SLC29A3: variants seen among roughly 807,000 people sequenced by gnomAD.
SLC29A3 encodes equilibrative nucleoside transporter 3.
A neutral mutation model predicts 25.4 loss-of-function variants in SLC29A3; 18 were observed. The observed-to-expected ratio is 0.71, with a 90% confidence interval of 0.49 to 1.05. SLC29A3 has a LOEUF of 1.05. SLC29A3 is among the 50% of genes least tolerant of loss of function. SLC29A3 has a pLI of 0.00. For missense variants in SLC29A3, 586 were observed against 609.0 expected (o/e 0.96, Z 0.40); for synonymous variants, 258 against 267.1 (o/e 0.97, Z 0.33).
At chr10:71,351,458 C>A in intron 3 of SLC29A3, 104 bp from the exon 4 acceptor site, 1 of 968,684 alleles carries the variant, frequency 1.0e-6, no homozygotes, top group Non-Finnish European at 1.6e-6. Context: ...AGTGAACAGT[C>A]CTAACTGCTA....
At chr10:71,330,097 C>G (rs945384531) in intron 2 of SLC29A3, among the ~76,000 whole-genome samples, 4 of 152,342 alleles carry the variant, frequency 2.6e-5, no homozygotes, top group African/African-American at 9.6e-5. Flanking sequence ...GCCCACAGTT[C>G]CACGCCAGCC....
chr10:71,331,497 T>G (rs1846116446), intron 2 of SLC29A3, among the ~76,000 whole-genome samples: 1 of 152,092 alleles, frequency 6.6e-6, no homozygotes, highest in South Asian at 2.1e-4. Context: ...AAACGCATGA[T>G]GAAGAAGAGG....
intron 3 of SLC29A3, among the ~76,000 whole-genome samples, chr10:71,374,142 T>C (rs1383184225): frequency 1.3e-5 from 2 of 152,250 alleles, no homozygotes; most frequent in Non-Finnish European, 2.9e-5. Flanking sequence ...TTTTCATTAC[T>C]AGAAGTTTGA....
chr10:71,356,359 A>G, intron 5 of SLC29A3, 116 bp downstream of exon 5: 1 of 1,318,374 alleles, frequency 7.6e-7, no homozygotes, highest in East Asian at 2.4e-5. Flanking sequence ...GGCTCAAAGC[A>G]GTTGTTCAAC....
At chr10:71,371,908 C>T (rs1219270204) in intron 3 of SLC29A3, among the ~76,000 whole-genome samples, 2 of 152,326 alleles carry the variant, frequency 1.3e-5, no homozygotes, top group East Asian at 3.9e-4. Flanking sequence ...GAAATAATAG[C>T]CCAGTTCCAG....
intron 2 of SLC29A3, among the ~76,000 whole-genome samples, chr10:71,331,233 G>A (rs1293318242): frequency 6.6e-6 from 1 of 152,204 alleles, no homozygotes; most frequent in Non-Finnish European, 1.5e-5. Context: ...GATGAGGATG[G>A]AAAGTTTGTC....
At position 71,362,101 on chromosome 10, in the gene SLC29A3, C is replaced by A; in HGVS notation, c.921C>A (p.Ser307Arg). ...PLRPILKKTA[S>R]LGFCVTYVFF... ...GCCCCATCCTGAAGAAGACGGCCAGCCTGGGCTTCTGTGTCACCTACGTCT... is the reference window on the plus strand; with the variant it reads ...GCCCCATCCTGAAGAAGACGGCCAGACTGGGCTTCTGTGTCACCTACGTCT... The change falls in exon 6 of 6, where the codon AGC becomes AGA. Residue 307 changes from serine (S) to arginine (R), a missense_variant. Coordinates refer to ENST00000373189, the MANE Select transcript of SLC29A3 (RefSeq NM_018344.6). The A allele has an allele frequency of 6.2e-7, 1 of 1,614,172 alleles. No individual in the cohort carries two copies. The highest frequency in any genetic ancestry group is 2.2e-5 in the East Asian group (1 of 44,880).
downstream of SLC29A3, chr10:71,364,749 C>T (rs915117633): frequency 2.0e-5 from 3 of 152,160 alleles, no homozygotes; most frequent in East Asian, 1.9e-4. Context: ...TCTCCTTGGC[C>T]GAAGAATTAA....
intron 4 of SLC29A3, among the ~76,000 whole-genome samples, chr10:71,353,167 A>C (rs1165625501): frequency 6.6e-6 from 1 of 152,186 alleles, no homozygotes; most frequent in Non-Finnish European, 1.5e-5. Context: ...AGCAGATCAG[A>C]GTCTAGATGT....
At chr10:71,348,113 A>AC (rs1039382714) in intron 3 of SLC29A3, among the ~76,000 whole-genome samples, 1 of 152,046 alleles carries the variant, frequency 6.6e-6, no homozygotes, top group Non-Finnish European at 1.5e-5. Flanking sequence ...AAACCTCCCC[A>AC]CCCCCGGGTG....
intron 4 of SLC29A3, 126 bp downstream of exon 4, chr10:71,351,914 TC>T: frequency 1.2e-6 from 1 of 859,944 alleles, no homozygotes; most frequent in Admixed American, 2.0e-5. Context: ...TGTGTTTCAG[TC>T]ATCTAGTGTT....
At chr10:71,325,915 CTTTTTT>C (rs5786034) in intron 2 of SLC29A3, among the ~76,000 whole-genome samples, 1 of 122,646 alleles carries the variant, frequency 8.2e-6, no homozygotes, top group African/African-American at 3.2e-5. Context: ...TATATTAGTA[CTTTTTT>C]TTTTTTTTTT....
At chr10:71,320,992 C>T (rs1845835309) in intron 1 of SLC29A3, among the ~76,000 whole-genome samples, 1 of 151,956 alleles carries the variant, frequency 6.6e-6, no homozygotes, top group Non-Finnish European at 1.5e-5. Flanking sequence ...GTTATGTGAC[C>T]CTGGGCAAGT....
intron 4 of SLC29A3, among the ~76,000 whole-genome samples, chr10:71,353,368 A>G (rs1846812539): frequency 6.6e-6 from 1 of 152,164 alleles, no homozygotes; most frequent in Non-Finnish European, 1.5e-5. Flanking sequence ...ATGGGATTTA[A>G]TTCCTTCTGT....
chr10:71,376,666 A>G (rs1847254004), intron 4 of SLC29A3, among the ~76,000 whole-genome samples: 1 of 152,336 alleles, frequency 6.6e-6, no homozygotes, highest in Admixed American at 6.5e-5. Flanking sequence ...TTCAAGCCCA[A>G]AGCTTGAGGA....
downstream of SLC29A3, among the ~76,000 whole-genome samples, chr10:71,367,852 C>G (rs542563382): frequency 3.0e-4 from 45 of 152,296 alleles, no homozygotes; most frequent in Admixed American, 1.0e-3. Flanking sequence ...ACACTCAGAC[C>G]GAGGTTGGAA....
At chr10:71,378,688 T>C (rs1847279303) in intron 4 of SLC29A3, among the ~76,000 whole-genome samples, 1 of 152,248 alleles carries the variant, frequency 6.6e-6, no homozygotes, top group African/African-American at 2.4e-5. Context: ...CATTGGTGTT[T>C]TAACAAGCCC....
intron 2 of SLC29A3, among the ~76,000 whole-genome samples, chr10:71,342,763 G>A (rs1417147371): frequency 6.6e-6 from 1 of 152,230 alleles, no homozygotes; most frequent in East Asian, 1.9e-4. Context: ...AGGCTCTACT[G>A]AGCCCATCAG....
At position 71,362,577 on chromosome 10, in the gene SLC29A3, C is replaced by G. The variant is rs754728933; in HGVS notation, c.1397C>G (p.Ala466Gly). ...YVCLGLTLGS[A>G]CSTLLVHLI ...TGCTTGGGCTTAACACTGGGCTCAG[C>G]CTGCTCTACCCTCCTGGTGCACCTC... The change falls in exon 6 of 6, where the codon GCC becomes GGC. Residue 466 changes from alanine to glycine, a missense_variant. Coordinates refer to ENST00000373189, the MANE Select transcript of SLC29A3 (RefSeq NM_018344.6). The G allele has an allele frequency of 3.1e-5, 50 of 1,614,028 alleles. 1 individual carries two copies. The East Asian group carries it at 1.1e-3, about 36-fold the overall frequency.
Sources: allele counts gnomAD v4.1 joint callset (sites outside exome capture counted in the v4.1 genomes callset), GRCh38; gene constraint gnomAD v4.1.1; transcripts MANE v1.5; gene names NCBI Gene and HGNC (gene_info 2026-07-23, HGNC 2026-07-21).